The following BCAT2 variants were observed in gnomAD, a reference collection of about 807,000 sequenced individuals.
The protein encoded by BCAT2 is branched chain amino acid transaminase 2.
In BCAT2, 44 loss-of-function variants were observed where a neutral mutation model predicts 52.9. That is an observed-to-expected ratio of 0.83 (90% CI 0.65 to 1.07). The LOEUF (loss-of-function observed/expected upper bound fraction) is 1.07, where lower values mean the gene tolerates loss of function less well. BCAT2 is among the 50% of genes least tolerant of loss of function. The probability of loss-of-function intolerance (pLI) is 0.00; values close to 1 mark genes in which losing one functional copy is unlikely to be tolerated. For missense variants in BCAT2, 478 were observed against 521.8 expected, an observed-to-expected ratio of 0.92 and a Z score of 0.82; for synonymous variants, 215 against 217.1, an observed-to-expected ratio of 0.99 and a Z score of 0.08.
rs1167064145 is a variant in BCAT2, at chr19:48,796,455, G to C, written c.1113C>G (p.Arg371=). Residue 371 remains arginine (R), a synonymous_variant, in exon 10 of 11, where the codon CGC becomes CGG. Coordinates refer to ENST00000316273, the MANE Select transcript of BCAT2 (RefSeq NM_001190.4). Reference sequence around the variant, plus strand: ...GGATCTCCTTCAGCTCCTTCTGGAAGCGGAGGATCAGCTCAGGCCCATTTT... The same window carrying C: ...GGATCTCCTTCAGCTCCTTCTGGAACCGGAGGATCAGCTCAGGCCCATTTT... The part of the protein sequence containing the change: ...TMENGPELIL[R]FQKELKEIQY... The C allele has an allele frequency of 6.2e-7, 1 of 1,614,114 alleles. No individual in the cohort carries two copies. The highest frequency in any genetic ancestry group is 1.7e-5 in the Admixed American group (1 of 60,002).
chr19:48,799,810 C>G lies in BCAT2; in HGVS notation c.560G>C (p.Arg187Pro), dbSNP rs1180135448. ...GCAGAGAATGACGAACAGGAGCGCG[C>G]GCGTGGGCTGGCTGACACCCAGCGA... ...EPSLGVSQPT[R>P]ALLFVILCPV... Residue 187 changes from arginine to proline, a missense_variant, in exon 6 of 11, where the codon CGC becomes CCC. Transcript: ENST00000316273. The surrounding 1 kb of genome is among the most constrained non-coding windows in gnomAD (Gnocchi z 5.5). 3 of 1,558,846 alleles carry G rather than the reference C, an allele frequency of 1.9e-6. No homozygotes were observed. The highest frequency in any genetic ancestry group is 2.6e-6 in the Non-Finnish European group (3 of 1,151,350).
chr19:48,798,575 C>G (rs1466530448), intron 6 of BCAT2, among the ~76,000 whole-genome samples: 2 of 152,132 alleles, frequency 1.3e-5, no homozygotes. Context: ...CAGGAAACCC[C>G]CTCCTCCCTC....
chr19:48,807,594 T>G lies in BCAT2; in HGVS notation c.25-520A>C. ...CCCCAGCCCCTCCTCCCTCAGACCC[T>G]GGAGTCCAGGCCTCAGACCCTCCTC... On this transcript the variant is annotated intron_variant, in intron 1 of 10. Coordinates refer to ENST00000316273, the MANE Select transcript of BCAT2 (RefSeq NM_001190.4). This position sits in a 1 kb window ranked among gnomAD's most constrained non-coding sequence, Gnocchi z 4.6. 1 of 549,772 alleles carries G rather than the reference T, an allele frequency of 1.8e-6. No individual in the cohort carries two copies. The highest frequency in any genetic ancestry group is 2.3e-6 in the Non-Finnish European group (1 of 430,376). The allele number at this position is 549,772 out of a possible 1,614,324, so 34.1% of individuals were successfully genotyped here. A position where few individuals can be genotyped will look rare whatever the true frequency, so the allele number is the denominator to read the frequency against.
chr19:48,809,927 A>G (rs954458544), intron 1 of BCAT2, among the ~76,000 whole-genome samples: 23 of 152,216 alleles, frequency 1.5e-4, no homozygotes, highest in Middle Eastern at 3.4e-3. Flanking sequence ...ACTCAGCCCA[A>G]TTATCTCCAT....
Position 48,799,869 on chromosome 19 carries a change from T to A in BCAT2, c.532-31A>T. The A allele has an allele frequency of 6.4e-7, 1 of 1,574,746 alleles. No homozygotes were observed. Among genetic ancestry groups the A allele is most frequent in the Non-Finnish European group, 8.6e-7 (1 of 1,161,036 alleles). ...ACGGGCAAAGGGACAGCGTCAGGAG[T>A]CCAGGCCCCCAGTCCCTTCCCGTCC... On this transcript the variant is annotated intron_variant, in intron 5 of 10. Transcript: ENST00000316273. This position sits in a 1 kb window ranked among gnomAD's most constrained non-coding sequence, Gnocchi z 5.5.
chr19:48,807,613 C>A lies in BCAT2; in HGVS notation c.25-539G>T. 1.4e-6 allele frequency: 1 copy of A among 733,518 alleles called. No individual in the cohort carries two copies. The highest frequency in any genetic ancestry group is 1.9e-5 in the African/African-American group (1 of 51,920). The allele number at this position is 733,518 out of a possible 1,614,324, so 45.4% of individuals were successfully genotyped here. A position where few individuals can be genotyped will look rare whatever the true frequency, so the allele number is the denominator to read the frequency against. On this transcript the variant is annotated intron_variant, in intron 1 of 10. Coordinates refer to ENST00000316273, the MANE Select transcript of BCAT2 (RefSeq NM_001190.4). The surrounding 1 kb of genome is among the most constrained non-coding windows in gnomAD (Gnocchi z 4.6). ...AGACCCTGGAGTCCAGGCCTCAGAC[C>A]CTCCTCCCTTACATCCAGGAGTACA... is the stretch of plus-strand genomic sequence containing the variant.
intron 6 of BCAT2, chr19:48,797,649 C>T: frequency 3.1e-6 from 1 of 319,602 alleles, no homozygotes; most frequent in Non-Finnish European, 6.0e-6. Context: ...CTCCCAGGTT[C>T]AAGAGATTCT....
chr19:48,809,711 C>A (rs1303230876), intron 1 of BCAT2, among the ~76,000 whole-genome samples: 1 of 151,888 alleles, frequency 6.6e-6, no homozygotes, highest in African/African-American at 2.4e-5. Context: ...CCCATTATAA[C>A]CAGCATTGTC....
intron 3 of BCAT2, among the ~76,000 whole-genome samples, chr19:48,805,429 GC>G (rs1377984936): frequency 1.3e-5 from 2 of 152,062 alleles, no homozygotes; most frequent in Non-Finnish European, 2.9e-5. Context: ...CTTCCTCAGA[GC>G]CCTCAGTGGC....
At chr19:48,801,238 T>A (rs2034651323) in intron 3 of BCAT2, among the ~76,000 whole-genome samples, 1 of 122,580 alleles carries the variant, frequency 8.2e-6, no homozygotes, top group African/African-American at 3.3e-5. Flanking sequence ...CCAGCCAGAC[T>A]TTTTTTTTTT....
intron 3 of BCAT2, among the ~76,000 whole-genome samples, chr19:48,804,932 C>T (rs2122684406): frequency 6.6e-6 from 1 of 151,758 alleles, no homozygotes; most frequent in African/African-American, 2.4e-5. Context: ...ACAGAATCGA[C>T]TGGTGTTGCT....
intron 1 of BCAT2, among the ~76,000 whole-genome samples, chr19:48,809,296 C>T (rs1208532597): frequency 2.0e-5 from 3 of 151,916 alleles, no homozygotes; most frequent in African/African-American, 7.3e-5. Flanking sequence ...AAATAAAGTA[C>T]GTTTGGGGGT....
intron 1 of BCAT2, chr19:48,810,740 T>C: frequency 9.5e-6 from 7 of 734,770 alleles, no homozygotes; most frequent in Non-Finnish European, 1.1e-5. Context: ...GTTTCCCTTT[T>C]TTTTTTTTTT....
chr19:48,806,783 A>C, intron 2 of BCAT2, 66 bp from the exon 3 acceptor site: 1 of 1,573,172 alleles, frequency 6.4e-7, no homozygotes, highest in Non-Finnish European at 8.7e-7. Context: ...TACAACTCCC[A>C]TGAAGCCCTG....
intron 3 of BCAT2, among the ~76,000 whole-genome samples, chr19:48,801,468 T>C (rs965784024): frequency 6.6e-6 from 1 of 152,074 alleles, no homozygotes; most frequent in East Asian, 1.9e-4. Context: ...AATAATGGAA[T>C]AGATAACCAA....
At position 48,806,727 on chromosome 19, in the gene BCAT2, G is replaced by C; in HGVS notation, c.100-10C>G. On this transcript the variant is annotated splice_polypyrimidine_tract_variant and intron_variant, in intron 2 of 10. Transcript: ENST00000316273. ...GCTGCAGGTCTGCAGCCTGAGGAAA[G>C]ACAGGGGTATCCTAGAATCTGGCCA... The C allele has an allele frequency of 6.2e-7, 1 of 1,611,888 alleles. No individual in the cohort carries two copies. Among genetic ancestry groups the C allele is most frequent in the Non-Finnish European group, 8.5e-7 (1 of 1,179,960 alleles).
At position 48,795,401 on chromosome 19, in the gene BCAT2, T is replaced by G. The variant is rs1599789997; in HGVS notation, c.*25A>C. ...GGCGTGACGAGATGCTACGGGTCGG[T>G]GGATCTGGAGCACAGCCTGCAGCTT... On this transcript the variant is annotated 3_prime_UTR_variant, in exon 11 of 11. Coordinates refer to ENST00000316273, the MANE Select transcript of BCAT2 (RefSeq NM_001190.4). The G allele has an allele frequency of 6.2e-7, 1 of 1,613,780 alleles. No individual in the cohort carries two copies. The highest frequency in any genetic ancestry group is 8.5e-7 in the Non-Finnish European group (1 of 1,179,924).
Position 48,806,733 on chromosome 19 carries a change from G to A in BCAT2, c.100-16C>T. ...GGTCTGCAGCCTGAGGAAAGACAGG[G>A]GTATCCTAGAATCTGGCCACAACCT... On this transcript the variant is annotated splice_polypyrimidine_tract_variant and intron_variant, in intron 2 of 10. Transcript: ENST00000316273. The A allele has an allele frequency of 6.2e-7, 1 of 1,610,842 alleles. No individual in the cohort carries two copies. The highest frequency in any genetic ancestry group is 1.7e-5 in the Admixed American group (1 of 59,976).
intron 3 of BCAT2, 111 bp downstream of exon 3, chr19:48,806,406 G>C: frequency 7.2e-7 from 1 of 1,380,616 alleles, no homozygotes; most frequent in Non-Finnish European, 1.0e-6. Context: ...TGAATGCACA[G>C]AAAGGAGAAA....
Sources: gnomAD v4.1 joint callset for allele counts (sites outside exome capture counted in the v4.1 genomes callset) on GRCh38, gnomAD v4.1.1 for gene constraint, Gnocchi (gnomAD v3.1) non-coding constraint, MANE v1.5 for transcripts, NCBI Gene and HGNC (gene_info 2026-07-23, HGNC 2026-07-21) for gene names.